NFIC: variants seen among roughly 807,000 people sequenced by gnomAD.
NFIC encodes nuclear factor 1 C-type.
NFIC carries 12 observed loss-of-function variants against 54.4 expected under a neutral mutation model. The ratio of observed to expected loss-of-function variants is 0.22; its 90% CI spans 0.14 to 0.36. The LOEUF is 0.36. Ranked by LOEUF, NFIC falls within the 10% of genes least tolerant of loss-of-function variation. The pLI, the probability that NFIC is intolerant of heterozygous loss-of-function variation, is 1.00. For missense variants in NFIC, 575 were observed against 718.2 expected (o/e 0.80, Z 2.28); for synonymous variants, 322 against 319.2 (o/e 1.01, Z -0.09).
chr19:3,464,495 C>T lies in NFIC; in HGVS notation c.*1726C>T. The T allele has an allele frequency of 1.0e-6, 1 of 983,098 alleles. No individual in the cohort carries two copies. Among genetic ancestry groups the T allele is most frequent in the Non-Finnish European group, 1.2e-6 (1 of 828,910 alleles). 60.9% of individuals were successfully genotyped at this position (983,098 alleles called of 1,614,324 possible). A position where few individuals can be genotyped will look rare whatever the true frequency, so the allele number is the denominator to read the frequency against. ...GAGGGGGTGTTAGGTGTTTTAGGGCCACCGAGCTCAAACACAAGGACCCCT... is the reference window on the plus strand; with the variant it reads ...GAGGGGGTGTTAGGTGTTTTAGGGCTACCGAGCTCAAACACAAGGACCCCT... On this transcript the variant is annotated 3_prime_UTR_variant, in exon 11 of 11. Coordinates refer to ENST00000443272, the MANE Select transcript of NFIC (RefSeq NM_001245002.2).
Position 3,382,200 on chromosome 19 carries a change from C to T in NFIC, c.519C>T (p.Val173=), listed in dbSNP as rs777446477. The T allele has an allele frequency of 1.2e-6, 2 of 1,609,002 alleles. No individual in the cohort carries two copies. The highest frequency in any genetic ancestry group is 1.7e-6 in the Non-Finnish European group (2 of 1,179,820). ...CVQPHHIGVA[V]KELDLYLAYF... is the part of the protein sequence containing the mutation. The stretch of plus-strand genomic sequence containing the variant: ...AGCCGCACCACATTGGCGTGGCCGT[C>T]AAGGAGCTGGACCTCTACCTGGCCT... The change falls in exon 2 of 11, where the codon GTC becomes GTT. Residue 173 remains valine (V), a synonymous_variant. Transcript: ENST00000443272.
At position 3,395,454 on chromosome 19, in the gene NFIC, G is replaced by A. The variant is rs137903575; in HGVS notation, c.562+13211G>A. 1.5e-3 allele frequency among the ~76,000 whole-genome samples: 211 copies of A among 142,910 alleles called. 1 individual carries two copies. The highest frequency in any genetic ancestry group is 5.5e-3 in the African/African-American group (203 of 36,910). The allele number at this position is 142,910 out of a possible 152,430, so 93.8% of individuals were successfully genotyped here. A position where few individuals can be genotyped will look rare whatever the true frequency, so the allele number is the denominator to read the frequency against. ...TCCTCCCACCTTAGCCTCCTAAGTC[G>A]CTGGGGCTGGGATTACAGGCGCATA... On this transcript the variant is annotated intron_variant, in intron 2 of 10. Coordinates refer to ENST00000443272, the MANE Select transcript of NFIC (RefSeq NM_001245002.2).
At chr19:3,414,261 T>C (rs539255439) in intron 2 of NFIC, among the ~76,000 whole-genome samples, 72 of 152,212 alleles carry the variant, frequency 4.7e-4, no homozygotes, top group African/African-American at 1.7e-3. Flanking sequence ...TCACATGCAG[T>C]CTCTGTTGCC....
intron 6 of NFIC, among the ~76,000 whole-genome samples, chr19:3,441,358 T>A (rs1283743294): frequency 6.6e-6 from 1 of 152,192 alleles, no homozygotes; most frequent in Non-Finnish European, 1.5e-5. Flanking sequence ...TAAGCCGGGT[T>A]ATTTCCCCTC....
chr19:3,415,193 GCCT>G (rs1347991584), intron 2 of NFIC, among the ~76,000 whole-genome samples: 2 of 150,260 alleles, frequency 1.3e-5, no homozygotes, highest in Non-Finnish European at 3.0e-5. Flanking sequence ...GCTCACTGCA[GCCT>G]CCACCTGCCA....
At chr19:3,379,871 G>A (rs750877289) in intron 1 of NFIC, among the ~76,000 whole-genome samples, 7 of 151,198 alleles carry the variant, frequency 4.6e-5, no homozygotes, top group Non-Finnish European at 8.8e-5. Flanking sequence ...TTGTAGAAAC[G>A]GGGCCTCGCT....
At chr19:3,407,176 C>T (rs940952379) in intron 2 of NFIC, among the ~76,000 whole-genome samples, 17 of 149,982 alleles carry the variant, frequency 1.1e-4, no homozygotes, top group South Asian at 4.2e-4. Context: ...TGCAGTGGTG[C>T]GATCTCGGCT....
chr19:3,450,764 A>G (rs2145678865), intron 7 of NFIC, among the ~76,000 whole-genome samples: 1 of 152,352 alleles, frequency 6.6e-6, no homozygotes, highest in East Asian at 1.9e-4. Flanking sequence ...CCCATGTTCT[A>G]GTGATCAACT....
Position 3,467,788 on chromosome 19 carries a change from T to TATATATATATATAA in NFIC, c.*5020_*5021insTATATATATATAAA, listed in dbSNP as rs566623409. The TATATATATATATAA allele has an allele frequency of 1.1e-4, 15 of 136,800 alleles. No individual in the cohort carries two copies. The highest frequency in any genetic ancestry group is 3.7e-4 in the African/African-American group (13 of 35,364). 8.5% of individuals were successfully genotyped at this position (136,800 alleles called of 1,614,324 possible). On this transcript the variant is annotated 3_prime_UTR_variant, in exon 11 of 11. Coordinates refer to ENST00000443272, the MANE Select transcript of NFIC (RefSeq NM_001245002.2). The stretch of plus-strand genomic sequence containing the variant: ...ATATATATATATATATATATATATA[T>TATATATATATATAA]AATTTTGGAATTTGTTTCTCATAAT...
intron 6 of NFIC, among the ~76,000 whole-genome samples, chr19:3,448,579 A>G (rs1402142082): frequency 3.3e-5 from 5 of 152,126 alleles, no homozygotes; most frequent in Non-Finnish European, 7.4e-5. Flanking sequence ...TGGACGAGGG[A>G]AGGCAGAGCT....
intron 6 of NFIC, among the ~76,000 whole-genome samples, chr19:3,438,706 G>A (rs1420897159): frequency 6.6e-6 from 1 of 151,854 alleles, no homozygotes; most frequent in African/African-American, 2.4e-5. Flanking sequence ...CAAAGTGCTG[G>A]GATTACAGGC....
chr19:3,381,834 G>T lies in NFIC; in HGVS notation c.153G>T (p.Lys51Asn). ...AGAAGCACGAGAAGCGGATGTCGAA[G>T]GACGAGGAGCGTGCGGTCAAGGACG... ...YFKKHEKRMSKDEERAVKDEL... is the reference protein window; with the variant it reads ...YFKKHEKRMSNDEERAVKDEL... The change falls in exon 2 of 11, where the codon AAG becomes AAT. Residue 51 changes from lysine to asparagine, a missense_variant. This residue lies in a region of NFIC where 122 missense variants were observed against 158.0 expected (regional missense o/e 0.77). Transcript: ENST00000443272. 1 of 1,614,034 alleles carries T rather than the reference G, an allele frequency of 6.2e-7. No homozygotes were observed. Among genetic ancestry groups the T allele is most frequent in the Non-Finnish European group, 8.5e-7 (1 of 1,179,974 alleles).
Position 3,429,859 on chromosome 19 carries a change from G to A in NFIC, c.635-3659G>A, listed in dbSNP as rs565049458. 2.6e-5 allele frequency among the ~76,000 whole-genome samples: 4 copies of A among 152,282 alleles called. No homozygotes were observed. The South Asian group carries it at 8.3e-4, about 32-fold the overall frequency. On this transcript the variant is annotated intron_variant, in intron 3 of 10. Transcript: ENST00000443272. ...GGCTGTTCCCAGTGCCGGGAACATC[G>A]TGGCCCTCAGGGAGGTGATGAAACA...
At chr19:3,444,619 G>A (rs1162562997) in intron 6 of NFIC, among the ~76,000 whole-genome samples, 9 of 152,192 alleles carry the variant, frequency 5.9e-5, no homozygotes, top group Admixed American at 4.6e-4. Flanking sequence ...CCTGGCTGCC[G>A]CTGGCCCCAT....
chr19:3,413,965 T>G (rs1411241988), intron 2 of NFIC, among the ~76,000 whole-genome samples: 2 of 152,112 alleles, frequency 1.3e-5, no homozygotes, highest in African/African-American at 4.8e-5. Flanking sequence ...TCATTTCCTG[T>G]CACGTTCCCA....
Position 3,464,548 on chromosome 19 carries a change from T to C in NFIC, c.*1779T>C. The C allele has an allele frequency of 9.9e-6, 5 of 505,054 alleles. No homozygotes were observed. Among genetic ancestry groups the C allele is most frequent in the Non-Finnish European group, 1.1e-5 (5 of 443,508 alleles). 31.3% of individuals were successfully genotyped at this position (505,054 alleles called of 1,614,324 possible). Reference sequence around the variant, plus strand: ...CCGGCCCACCCAGCCCAGCCCCAACTGACCTCCATGCCTAGGGAAAAACTC... The same window carrying C: ...CCGGCCCACCCAGCCCAGCCCCAACCGACCTCCATGCCTAGGGAAAAACTC... On this transcript the variant is annotated 3_prime_UTR_variant, in exon 11 of 11. Transcript: ENST00000443272.
chr19:3,404,248 A>G (rs1363078899), intron 2 of NFIC, among the ~76,000 whole-genome samples: 1 of 151,432 alleles, frequency 6.6e-6, no homozygotes, highest in Non-Finnish European at 1.5e-5. Flanking sequence ...CTCCAAATGT[A>G]AACAGCGAGT....
Position 3,462,942 on chromosome 19 carries a change from AAG to A in NFIC, c.*175_*176del. Reference sequence around the variant, plus strand: ...CATAGACGCACACACTCAGGAGGAAAAGAAAAAACAAAGGCAGAAGAAGAAGA... The same window carrying A: ...CATAGACGCACACACTCAGGAGGAAAAAAAAACAAAGGCAGAAGAAGAAGA... On this transcript the variant is annotated 3_prime_UTR_variant, in exon 11 of 11. Transcript: ENST00000443272. The A allele has an allele frequency of 6.9e-7, 1 of 1,450,524 alleles. No homozygotes were observed. The highest frequency in any genetic ancestry group is 9.0e-7 in the Non-Finnish European group (1 of 1,107,674). 89.9% of individuals were successfully genotyped at this position (1,450,524 alleles called of 1,614,324 possible).
rs771162765 is a variant in NFIC, at chr19:3,453,844, C to T, written c.1351C>T (p.Arg451Trp). 52 of 1,577,842 alleles carry T rather than the reference C, an allele frequency of 3.3e-5. No individual in the cohort carries two copies. The Admixed American group carries it at 5.3e-4, about 16-fold the overall frequency. Residue 451 changes from arginine (R) to tryptophan (W), a missense_variant, in exon 9 of 11, where the codon CGG becomes TGG. By Grantham distance (101) the Arg-to-Trp change is moderately radical. Around this residue, in one of 3 missense-constraint regions of NFIC, gnomAD observed 447 missense variants for 526.9 expected, o/e 0.85. Transcript: ENST00000443272. This position sits in a 1 kb window ranked among gnomAD's most constrained non-coding sequence, Gnocchi z 6.7. ...MLAPPPPGLP[R>W]LALPPATKPA... The stretch of plus-strand genomic sequence containing the variant: ...GGCACCTCCGCCCCCGGGGCTGCCA[C>T]GGCTGGCGCTCCCCCCTGCCACCAA...
Sources: gnomAD v4.1 joint callset for allele counts (sites outside exome capture counted in the v4.1 genomes callset) on GRCh38, gnomAD v4.1.1 for gene constraint, gnomAD v4.1.1 regional missense constraint, Gnocchi (gnomAD v3.1) non-coding constraint, MANE v1.5 for transcripts, NCBI Gene and HGNC (gene_info 2026-07-23, HGNC 2026-07-21) for gene names.